The following PTPRN2 variants were observed in gnomAD, a reference collection of about 807,000 sequenced individuals.
PTPRN2 encodes receptor-type tyrosine-protein phosphatase N2.
In PTPRN2, 74 loss-of-function variants were observed where a neutral mutation model predicts 118.8. That is an observed-to-expected ratio of 0.62 (90% CI 0.52 to 0.76). The LOEUF (loss-of-function observed/expected upper bound fraction) is 0.76, where lower values mean the gene tolerates loss of function less well. PTPRN2 is among the 30% of genes least tolerant of loss of function. The pLI is 0.00. For missense variants in PTPRN2, 1,481 were observed against 1,394.4 expected (o/e 1.06, Z -0.99); for synonymous variants, 641 against 608.0 (o/e 1.05, Z -0.80).
At chr7:157,733,220 C>T (rs377630669) in intron 12 of PTPRN2, among the ~76,000 whole-genome samples, 9 of 21,168 alleles carry the variant, frequency 4.3e-4, no homozygotes, top group African/African-American at 1.1e-3. Flanking sequence ...TCCCGTCCCA[C>T]GCGCCCAGCA....
At chr7:157,756,066 A>C (rs1413727789) in intron 12 of PTPRN2, among the ~76,000 whole-genome samples, 1 of 152,214 alleles carries the variant, frequency 6.6e-6, no homozygotes, top group South Asian at 2.1e-4. Flanking sequence ...GTACCACTGC[A>C]CAAAAATAGT....
At chr7:158,206,779 A>G (rs1222598942) in intron 3 of PTPRN2, among the ~76,000 whole-genome samples, 1 of 151,646 alleles carries the variant, frequency 6.6e-6, no homozygotes, top group Admixed American at 6.6e-5. Context: ...TCACAGAACC[A>G]AAGTCTTTTC....
intron 11 of PTPRN2, among the ~76,000 whole-genome samples, chr7:158,049,199 TATCATC>T (rs985542467): frequency 1.3e-5 from 2 of 150,254 alleles, no homozygotes; most frequent in African/African-American, 2.5e-5. Context: ...ACAGCATCAC[TATCATC>T]ATCATCATCA....
chr7:157,996,729 C>T (rs1039285520), intron 11 of PTPRN2, among the ~76,000 whole-genome samples: 8 of 152,210 alleles, frequency 5.3e-5, no homozygotes, highest in African/African-American at 1.4e-4. Flanking sequence ...GCATTTATTG[C>T]TCCTGAAAAT....
rs1421693095 is a variant in PTPRN2, at chr7:157,903,008, G to A, written c.1724-4271C>T. 6.6e-6 allele frequency among the ~76,000 whole-genome samples: 1 copy of A among 152,116 alleles called. No homozygotes were observed. The highest frequency in any genetic ancestry group is 1.5e-5 in the Non-Finnish European group (1 of 68,026). On this transcript the variant is annotated intron_variant, in intron 11 of 22. Coordinates refer to ENST00000389418, the MANE Select transcript of PTPRN2 (RefSeq NM_002847.5). The surrounding 1 kb of genome is among the most constrained non-coding windows in gnomAD (Gnocchi z 4.2). ...TTCTTTCTTCAACAAATACATCCAC[G>A]TTGCTGCAAAGGACACAATTTGGGG...
chr7:157,876,822 G>T (rs1795795050), intron 12 of PTPRN2, among the ~76,000 whole-genome samples: 1 of 152,228 alleles, frequency 6.6e-6, no homozygotes, highest in Non-Finnish European at 1.5e-5. Flanking sequence ...GCCACCTGGG[G>T]ACAGTGCCAG....
intron 12 of PTPRN2, among the ~76,000 whole-genome samples, chr7:157,795,075 G>A (rs1804779841): frequency 6.8e-6 from 1 of 146,202 alleles, no homozygotes; most frequent in Non-Finnish European, 1.5e-5. Flanking sequence ...CAAGCTTGAA[G>A]CCCCTCACCT....
At chr7:158,104,736 T>C (rs62480187) in intron 10 of PTPRN2, among the ~76,000 whole-genome samples, 181 of 63,786 alleles carry the variant, frequency 2.8e-3, no homozygotes, top group East Asian at 6.3e-3. Context: ...CCCAGCTCCA[T>C]CCTCAGCTCC....
chr7:158,228,451 C>A (rs1005955415), intron 3 of PTPRN2, among the ~76,000 whole-genome samples: 1 of 152,092 alleles, frequency 6.6e-6, no homozygotes, highest in African/African-American at 2.4e-5. Context: ...AGATACATTT[C>A]ATATTCCACT....
At chr7:157,981,972 A>G (rs535814208) in intron 11 of PTPRN2, among the ~76,000 whole-genome samples, 175 of 151,638 alleles carry the variant, frequency 1.2e-3, no homozygotes, top group Middle Eastern at 3.4e-3. Flanking sequence ...TGCAGAGTGC[A>G]GGGTACCGCC....
At chr7:157,666,590 G>A (rs916568146) in intron 13 of PTPRN2, among the ~76,000 whole-genome samples, 1 of 152,184 alleles carries the variant, frequency 6.6e-6, no homozygotes, top group Admixed American at 6.5e-5. Context: ...GCACGGTGTG[G>A]CCGTGTAAGG....
chr7:158,156,302 G>T (rs1253975300), intron 6 of PTPRN2, among the ~76,000 whole-genome samples: 1 of 152,212 alleles, frequency 6.6e-6, no homozygotes, highest in Admixed American at 6.5e-5. Context: ...CTTCAGTGGG[G>T]TGTGGGGATT....
Position 157,618,134 on chromosome 7 carries a change from T to G in PTPRN2, c.2344+3228A>C, listed in dbSNP as rs2150627341. 6.6e-6 allele frequency: 1 copy of G among 152,306 alleles called. No individual in the cohort carries two copies. Among genetic ancestry groups the G allele is most frequent in the South Asian group, 2.1e-4 (1 of 4,824 alleles). 9.4% of individuals were successfully genotyped at this position (152,306 alleles called of 1,614,324 possible). On this transcript the variant is annotated intron_variant, in intron 15 of 22. Transcript: ENST00000389418. The surrounding 1 kb of genome is among the most constrained non-coding windows in gnomAD (Gnocchi z 4.2). ...GGGGGCTCATTCCGATCAGGGTGCA[T>G]CTGGGAAGTCGGGCGACTGTGTCCA...
chr7:157,962,683 G>A (rs545043828), intron 11 of PTPRN2, among the ~76,000 whole-genome samples: 1 of 152,294 alleles, frequency 6.6e-6, no homozygotes, highest in African/African-American at 2.4e-5. Context: ...AGTCCGGTGG[G>A]AAGGGTTTTC....
chr7:158,440,820 A>G (rs58407803), intron 2 of PTPRN2, among the ~76,000 whole-genome samples: 45,110 of 89,476 alleles, frequency 0.5, 9,372 homozygotes, highest in East Asian at 0.68. Flanking sequence ...TGGTAGTAGT[A>G]GTGGTGGTGG....
intron 11 of PTPRN2, among the ~76,000 whole-genome samples, chr7:157,983,666 G>T (rs551951662): frequency 5.9e-5 from 9 of 152,122 alleles, no homozygotes; most frequent in Non-Finnish European, 1.2e-4. Flanking sequence ...GAGGAGTAGC[G>T]TGTGTGTGTG....
intron 2 of PTPRN2, among the ~76,000 whole-genome samples, chr7:158,382,806 TC>T (rs1406075483): frequency 2.0e-5 from 3 of 152,052 alleles, no homozygotes; most frequent in Non-Finnish European, 4.4e-5. Flanking sequence ...AACAGAGAGG[TC>T]TGACTGCACA....
At chr7:157,804,201 G>A (rs778842550) in intron 12 of PTPRN2, among the ~76,000 whole-genome samples, 4 of 152,328 alleles carry the variant, frequency 2.6e-5, no homozygotes, top group East Asian at 1.9e-4. Flanking sequence ...CAATGCCCCC[G>A]CGAAGTCATA....
At chr7:158,540,305 TG>T (rs1825911464) in intron 1 of PTPRN2, among the ~76,000 whole-genome samples, 1 of 152,160 alleles carries the variant, frequency 6.6e-6, no homozygotes, top group Non-Finnish European at 1.5e-5. Flanking sequence ...CAGAAGTCAC[TG>T]TCAATGCCCT....
Sources: allele counts gnomAD v4.1 joint callset (sites outside exome capture counted in the v4.1 genomes callset), GRCh38; gene constraint gnomAD v4.1.1; non-coding constraint Gnocchi (gnomAD v3.1); transcripts MANE v1.5; gene names NCBI Gene and HGNC (gene_info 2026-07-23, HGNC 2026-07-21).